Variants in PRELID2 observed in about 807,000 individuals in gnomAD.
The protein encoded by PRELID2 is PRELI domain-containing protein 2.
In PRELID2, 25 loss-of-function variants were observed where a neutral mutation model predicts 28.4. The observed-to-expected ratio is 0.88, with a 90% CI of 0.64 to 1.23. PRELID2 has a LOEUF of 1.23. Ranked by LOEUF, PRELID2 falls within the 50% of genes most tolerant of loss-of-function variation. The probability of loss-of-function intolerance (pLI) is 0.00; values close to 1 mark genes in which losing one functional copy is unlikely to be tolerated. For missense variants in PRELID2, 201 were observed against 214.4 expected (o/e 0.94, Z 0.39); for synonymous variants, 76 against 71.6 (o/e 1.06, Z -0.31).
the PRELID2 span, among the ~76,000 whole-genome samples, chr5:145,401,547 C>G: frequency 6.6e-6 from 1 of 152,056 alleles, no homozygotes; most frequent in African/African-American, 2.4e-5. Context: ...GTGTAACAAG[C>G]TCACCTCTTT....
the PRELID2 span, among the ~76,000 whole-genome samples, chr5:145,299,306 A>G: frequency 6.7e-6 from 1 of 149,006 alleles, no homozygotes; most frequent in Non-Finnish European, 1.5e-5. Flanking sequence ...CATAAATATC[A>G]TCATTATTAT....
chr5:145,344,971 G>C, the PRELID2 span, among the ~76,000 whole-genome samples: 13 of 152,074 alleles, frequency 8.5e-5, no homozygotes, highest in Admixed American at 8.5e-4. Context: ...TCTCAAGTTA[G>C]AGTCTCCTTT....
At chr5:145,595,161 GACACAC>G (rs3038287) in intron 1 of PRELID2, among the ~76,000 whole-genome samples, 50 of 131,250 alleles carry the variant, frequency 3.8e-4, no homozygotes, top group African/African-American at 9.7e-4. Flanking sequence ...AGTCATAATA[GACACAC>G]ACACACACAC....
At chr5:145,735,852 G>A (rs990072229) in intron 1 of PRELID2, among the ~76,000 whole-genome samples, 1 of 152,180 alleles carries the variant, frequency 6.6e-6, no homozygotes, top group African/African-American at 2.4e-5. Flanking sequence ...TTGCAATTAC[G>A]TGTGAACTAA....
the PRELID2 span, among the ~76,000 whole-genome samples, chr5:145,259,224 G>T: frequency 6.6e-6 from 1 of 152,218 alleles, no homozygotes; most frequent in Admixed American, 6.5e-5. Context: ...TACTAGAGCA[G>T]TGAAGAGGGG....
the PRELID2 span, among the ~76,000 whole-genome samples, chr5:145,392,907 G>A: frequency 6.6e-6 from 1 of 152,154 alleles, no homozygotes; most frequent in Non-Finnish European, 1.5e-5. Flanking sequence ...GACATAGTCT[G>A]ACTCTATTTT....
chr5:145,329,993 G>A, the PRELID2 span, among the ~76,000 whole-genome samples: 1 of 152,110 alleles, frequency 6.6e-6, no homozygotes, highest in African/African-American at 2.4e-5. Flanking sequence ...AAGGGGTGTT[G>A]AATTTTATCG....
At chr5:145,803,818 T>C (rs1412922368) in intron 4 of PRELID2, among the ~76,000 whole-genome samples, 2 of 151,226 alleles carry the variant, frequency 1.3e-5, no homozygotes, top group African/African-American at 4.9e-5. Flanking sequence ...CAAGACTCTG[T>C]AATTCATTAA....
chr5:145,517,051 C>T (rs909488593), intron 1 of PRELID2, among the ~76,000 whole-genome samples: 2 of 152,112 alleles, frequency 1.3e-5, no homozygotes. Context: ...AAAACCTAGA[C>T]AATACCATTC....
chr5:145,500,098 G>C (rs1164013200), intron 1 of PRELID2, among the ~76,000 whole-genome samples: 4 of 152,130 alleles, frequency 2.6e-5, no homozygotes, highest in Non-Finnish European at 5.9e-5. Context: ...GAACATAGCT[G>C]CAAAATGTAG....
At position 145,760,139 on chromosome 5, in the gene PRELID2, A is replaced by G. The variant is rs886254088; in HGVS notation, c.*397T>C. Reference sequence around the variant, plus strand: ...GAATCCTAGGAACAACGGTGCTGATAACATAAGGGCACAAGCACCCTCTCC... The same window carrying G: ...GAATCCTAGGAACAACGGTGCTGATGACATAAGGGCACAAGCACCCTCTCC... On this transcript the variant is annotated 3_prime_UTR_variant, in exon 7 of 7. Coordinates refer to ENST00000683046, the MANE Select transcript of PRELID2 (RefSeq NM_205846.3). 1.3e-5 allele frequency: 2 copies of G among 152,148 alleles called. No individual in the cohort carries two copies. Among genetic ancestry groups the G allele is most frequent in the Admixed American group, 6.6e-5 (1 of 15,250 alleles). The allele number at this position is 152,148 out of a possible 1,614,324, so 9.4% of individuals were successfully genotyped here. A position where few individuals can be genotyped will look rare whatever the true frequency, so the allele number is the denominator to read the frequency against.
chr5:145,412,579 A>T, the PRELID2 span, among the ~76,000 whole-genome samples: 1 of 152,146 alleles, frequency 6.6e-6, no homozygotes, highest in African/African-American at 2.4e-5. Flanking sequence ...AGTCTCTAGG[A>T]AGTTTCAAAC....
At chr5:145,398,640 G>A in the PRELID2 span, among the ~76,000 whole-genome samples, 1 of 151,960 alleles carries the variant, frequency 6.6e-6, no homozygotes, top group Non-Finnish European at 1.5e-5. Flanking sequence ...CTATGCACTT[G>A]GCCCTTTTCT....
At chr5:145,463,450 A>T in the PRELID2 span, among the ~76,000 whole-genome samples, 1 of 151,302 alleles carries the variant, frequency 6.6e-6, no homozygotes, top group Admixed American at 6.6e-5. Context: ...TTCATTTTTA[A>T]TTAATTTTAT....
intron 1 of PRELID2, among the ~76,000 whole-genome samples, chr5:145,519,265 A>G (rs1752544074): frequency 6.6e-6 from 1 of 152,226 alleles, no homozygotes; most frequent in African/African-American, 2.4e-5. Flanking sequence ...CCCATAAGAC[A>G]CTGAATTTAA....
At chr5:145,515,474 C>A (rs372754095) in intron 1 of PRELID2, among the ~76,000 whole-genome samples, 1 of 152,120 alleles carries the variant, frequency 6.6e-6, no homozygotes, top group South Asian at 2.1e-4. Flanking sequence ...AAAACAATGA[C>A]AAGTTCTGAA....
At chr5:145,306,337 T>C in the PRELID2 span, among the ~76,000 whole-genome samples, 1 of 152,202 alleles carries the variant, frequency 6.6e-6, no homozygotes, top group Non-Finnish European at 1.5e-5. Flanking sequence ...AATAGTTTTT[T>C]TAATAACAAT....
the PRELID2 span, among the ~76,000 whole-genome samples, chr5:145,458,563 C>G: frequency 5.3e-5 from 8 of 152,058 alleles, no homozygotes; most frequent in African/African-American, 1.9e-4. Flanking sequence ...AAGGGAGGCT[C>G]TATTCTGCCA....
chr5:145,392,872 A>G, the PRELID2 span, among the ~76,000 whole-genome samples: 1 of 152,176 alleles, frequency 6.6e-6, no homozygotes, highest in Non-Finnish European at 1.5e-5. Context: ...AATGCAGCCA[A>G]TGGCATGAAT....
Sources: gnomAD v4.1 joint callset for allele counts (sites outside exome capture counted in the v4.1 genomes callset) on GRCh38, gnomAD v4.1.1 for gene constraint, MANE v1.5 for transcripts, NCBI Gene and HGNC (gene_info 2026-07-23, HGNC 2026-07-21) for gene names.